NEBL: variants seen among roughly 807,000 people sequenced by gnomAD.
NEBL encodes the protein LIM and SH3 protein 2.
In NEBL, 122 loss-of-function variants were observed where a neutral mutation model predicts 140.2. That is an observed-to-expected ratio of 0.87 (90% confidence interval 0.75 to 1.01). The LOEUF is 1.01. Among genes scored for constraint, NEBL ranks in the 50% least tolerant of loss-of-function variants. The pLI is 0.00. For synonymous variants in NEBL, 436 were observed against 398.9 expected (o/e 1.09, Z -1.11); for missense variants, 1,365 against 1,231.3 (o/e 1.11, Z -1.62).
intron 15 of NEBL, 45 bp from the exon 16 acceptor site, chr10:20,831,351 T>C (rs1840393878): frequency 6.5e-7 from 1 of 1,535,282 alleles, no homozygotes; most frequent in Admixed American, 1.7e-5. Context: ...TAAGCTTTAA[T>C]AGCGATGTTG....
At chr10:21,234,039 A>ATAGG (rs72222260) in intron 3 of NEBL, among the ~76,000 whole-genome samples, 27 of 139,228 alleles carry the variant, frequency 1.9e-4, no homozygotes, top group African/African-American at 5.3e-4. Flanking sequence ...AGATAGATAG[A>ATAGG]TAGATAGATA....
chr10:21,288,833 TATATATATATATATATAA>T (rs1843101924), intron 1 of NEBL, among the ~76,000 whole-genome samples: 5 of 78,472 alleles, frequency 6.4e-5, no homozygotes, highest in African/African-American at 1.1e-4. Context: ...TATATATATA[TATATATATATATATATAA>T]AAATTTTTTT....
intron 2 of NEBL, among the ~76,000 whole-genome samples, chr10:21,023,297 G>A (rs962591377): frequency 1.3e-5 from 2 of 152,166 alleles, no homozygotes; most frequent in East Asian, 3.8e-4. Flanking sequence ...ATGTGTTACA[G>A]AAAGTTTAGC....
chr10:21,266,626 C>T (rs886408843), intron 1 of NEBL, among the ~76,000 whole-genome samples: 8 of 152,218 alleles, frequency 5.3e-5, no homozygotes, highest in Non-Finnish European at 8.8e-5. Context: ...TTGGTTTGCC[C>T]GTGGATCCAC....
At chr10:21,205,700 G>A (rs1841814549) in intron 3 of NEBL, among the ~76,000 whole-genome samples, 1 of 151,856 alleles carries the variant, frequency 6.6e-6, no homozygotes, top group African/African-American at 2.4e-5. Flanking sequence ...GTAGAACAAA[G>A]GTGATTTTTA....
intron 3 of NEBL, among the ~76,000 whole-genome samples, chr10:21,228,194 C>T (rs1001671249): frequency 6.6e-6 from 1 of 151,818 alleles, no homozygotes; most frequent in African/African-American, 2.4e-5. Context: ...CACTGTGTCA[C>T]CCAGGCTGGA....
At position 21,173,876 on chromosome 10, in the gene NEBL, C is replaced by A. The variant is rs774813866; in HGVS notation, c.-43G>T. On this transcript the variant is annotated 5_prime_UTR_variant, in exon 1 of 7. Transcript: ENST00000417816. This position sits in a 1 kb window ranked among gnomAD's most constrained non-coding sequence, Gnocchi z 5.7. The stretch of plus-strand genomic sequence containing the variant: ...GCGGCGGCGGCGGCGGCTGCTGGCT[C>A]CCAGGAGCCGCTGTGACATCCCCCG... 60 of 1,603,096 alleles carry A rather than the reference C, an allele frequency of 3.7e-5. No individual in the cohort carries two copies. Among genetic ancestry groups the A allele is most frequent in the South Asian group, 1.2e-4 (11 of 90,694 alleles).
At chr10:20,900,668 C>CAA (rs113404858), upstream of NEBL, among the ~76,000 whole-genome samples, 1 of 118,528 alleles carries the variant, frequency 8.4e-6, no homozygotes, top group South Asian at 2.8e-4. Flanking sequence ...TACTAAAATA[C>CAA]AAAAAAAAAA....
intron 14 of NEBL, among the ~76,000 whole-genome samples, chr10:20,834,153 A>G (rs1005146766): frequency 5.3e-5 from 8 of 152,296 alleles, no homozygotes; most frequent in Admixed American, 5.2e-4. Context: ...ATGAAGGAAC[A>G]TGGAAAAAAA....
At chr10:21,044,790 C>T (rs992480084) in intron 2 of NEBL, among the ~76,000 whole-genome samples, 1 of 152,184 alleles carries the variant, frequency 6.6e-6, no homozygotes, top group African/African-American at 2.4e-5. Flanking sequence ...TTCATATCAG[C>T]ACTTCTGCAA....
At chr10:20,961,630 G>A in intron 4 of NEBL, 2 of 1,370,162 alleles carry the variant, frequency 1.5e-6, no homozygotes, top group Non-Finnish European at 2.1e-6. Context: ...ATCCAGAAAT[G>A]CACATCAGAG....
At position 21,166,240 on chromosome 10, in the gene NEBL, A is replaced by G. The variant is rs1203626446; in HGVS notation, c.164+6143T>C. On this transcript the variant is annotated intron_variant, in intron 2 of 6. Coordinates refer to the NEBL transcript ENST00000417816. ...GTCTCAAAAAAAAAAAAAAAAAAAA[A>G]AAAAAGAAAAGAAAAAAAAATTTTC... 1.9e-5 allele frequency among the ~76,000 whole-genome samples: 2 copies of G among 103,984 alleles called. 1 individual carries two copies. Among genetic ancestry groups the G allele is most frequent in the Admixed American group, 1.9e-4 (2 of 10,572 alleles). The allele number at this position is 103,984 out of a possible 152,430, so 68.2% of individuals were successfully genotyped here.
chr10:20,867,302 C>A (rs548044271), intron 7 of NEBL, among the ~76,000 whole-genome samples: 1 of 152,056 alleles, frequency 6.6e-6, no homozygotes, highest in African/African-American at 2.4e-5. Context: ...CAGAATAGTA[C>A]GTCTTTTCAT....
At chr10:21,003,419 C>T (rs1213121521) in intron 3 of NEBL, among the ~76,000 whole-genome samples, 2 of 152,200 alleles carry the variant, frequency 1.3e-5, no homozygotes, top group East Asian at 3.8e-4. Context: ...ACAATCTCTC[C>T]TTTAATGCTG....
chr10:21,158,772 C>A (rs191324330), intron 2 of NEBL, among the ~76,000 whole-genome samples: 9 of 152,210 alleles, frequency 5.9e-5, no homozygotes, highest in Admixed American at 3.9e-4. Flanking sequence ...TTCTTAATGA[C>A]GTTTTGGATC....
At chr10:20,814,808 A>G (rs1362920082) in intron 22 of NEBL, among the ~76,000 whole-genome samples, 1 of 152,224 alleles carries the variant, frequency 6.6e-6, no homozygotes, top group Non-Finnish European at 1.5e-5. Flanking sequence ...AATAAGAAAC[A>G]ATGAGGAACA....
chr10:21,227,344 C>A (rs934821978), intron 3 of NEBL, among the ~76,000 whole-genome samples: 1 of 152,134 alleles, frequency 6.6e-6, no homozygotes, highest in Non-Finnish European at 1.5e-5. Context: ...TAGTGTATAC[C>A]ATTTATATAC....
At chr10:20,789,956 T>C (rs1174886260) in intron 26 of NEBL, among the ~76,000 whole-genome samples, 1 of 148,474 alleles carries the variant, frequency 6.7e-6, no homozygotes, top group Non-Finnish European at 1.5e-5. Context: ...TGTGTGTGTA[T>C]ATATATATAT....
intron 3 of NEBL, among the ~76,000 whole-genome samples, chr10:20,971,683 G>A (rs923021792): frequency 3.5e-5 from 5 of 143,046 alleles, no homozygotes; most frequent in East Asian, 2.1e-4. Flanking sequence ...GCGCAATCTC[G>A]GCTCAATGCA....
Sources: allele counts gnomAD v4.1 joint callset (sites outside exome capture counted in the v4.1 genomes callset), GRCh38; gene constraint gnomAD v4.1.1; non-coding constraint Gnocchi (gnomAD v3.1); transcripts MANE v1.5; gene names NCBI Gene and HGNC (gene_info 2026-07-23, HGNC 2026-07-21).